CLEC4A: variants seen among roughly 807,000 people sequenced by gnomAD.
CLEC4A encodes C-type lectin domain family 4 member A, also known as C-type (calcium dependent, carbohydrate-recognition domain) lectin, superfamily member 6.
Under a neutral mutation model 32.7 loss-of-function variants are expected in CLEC4A, and 27 were observed. The ratio of observed to expected loss-of-function variants is 0.83; its 90% confidence interval spans 0.61 to 1.14. The LOEUF is 1.14. Among genes scored for constraint, CLEC4A ranks in the 50% most tolerant of loss-of-function variants. The pLI, the probability that CLEC4A is intolerant of heterozygous loss-of-function variation, is 0.00. For synonymous variants in CLEC4A, 89 were observed against 93.7 expected (o/e 0.95, Z 0.29); for missense variants, 253 against 274.6 (o/e 0.92, Z 0.55).
At chr12:8,118,673 C>G (rs980726273), upstream of CLEC4A, among the ~76,000 whole-genome samples, 9 of 152,132 alleles carry the variant, frequency 5.9e-5, no homozygotes, top group Non-Finnish European at 1.2e-4. Context: ...AAATCTACCC[C>G]CATGATCCAG....
chr12:8,115,364 A>G, the CLEC4A span, among the ~76,000 whole-genome samples: 1 of 152,188 alleles, frequency 6.6e-6, no homozygotes, highest in Non-Finnish European at 1.5e-5. Flanking sequence ...TCTCAAAATT[A>G]TGGATTTAGT....
chr12:8,124,832 T>G (rs1947874729), intron 1 of CLEC4A, among the ~76,000 whole-genome samples: 1 of 152,352 alleles, frequency 6.6e-6, no homozygotes, highest in South Asian at 2.1e-4. Context: ...TTATAATTAC[T>G]CTTATCATCT....
chr12:8,103,425 C>A, the CLEC4A span, among the ~76,000 whole-genome samples: 2 of 125,288 alleles, frequency 1.6e-5, no homozygotes, highest in Non-Finnish European at 3.1e-5. Flanking sequence ...CTCACTCTGT[C>A]GCCCAGGCTG....
chr12:8,125,439 T>C, intron 1 of CLEC4A, 122 bp from the exon 2 acceptor site: 1 of 625,634 alleles, frequency 1.6e-6, no homozygotes, highest in Non-Finnish European at 2.9e-6. Context: ...TCATGTGATT[T>C]CAAATGTCAT....
upstream of CLEC4A, among the ~76,000 whole-genome samples, chr12:8,119,375 C>G (rs1947813304): frequency 6.6e-6 from 1 of 152,118 alleles, no homozygotes; most frequent in Admixed American, 6.5e-5. Flanking sequence ...TAGGCATGCA[C>G]CACCACGCCT....
At chr12:8,115,472 G>T in the CLEC4A span, among the ~76,000 whole-genome samples, 24 of 152,252 alleles carry the variant, frequency 1.6e-4, 1 homozygote, top group East Asian at 2.9e-3. Context: ...TGATAGACCA[G>T]GACTTCAATG....
At chr12:8,135,188 AT>A (rs1183141119) in intron 3 of CLEC4A, among the ~76,000 whole-genome samples, 1 of 147,114 alleles carries the variant, frequency 6.8e-6, no homozygotes, top group Non-Finnish European at 1.5e-5. Context: ...GCCCGGCCCC[AT>A]TTTTGTTGTC....
At chr12:8,128,022 C>CATAG (rs948879329) in intron 2 of CLEC4A, among the ~76,000 whole-genome samples, 1 of 152,108 alleles carries the variant, frequency 6.6e-6, no homozygotes, top group African/African-American at 2.4e-5. Context: ...AAGTCCTTCA[C>CATAG]ATAGAGGTAG....
upstream of CLEC4A, among the ~76,000 whole-genome samples, chr12:8,123,331 G>T (rs953645733): frequency 2.0e-5 from 3 of 152,188 alleles, no homozygotes; most frequent in Non-Finnish European, 4.4e-5. Flanking sequence ...AAACTAATTC[G>T]TGAAGGTGGG....
chr12:8,125,424 T>C (rs1390086758), intron 1 of CLEC4A, 137 bp from the exon 2 acceptor site: 4 of 594,020 alleles, frequency 6.7e-6, no homozygotes, highest in East Asian at 5.6e-5. Flanking sequence ...TTTCTATTCC[T>C]ATTCTCATGT....
the CLEC4A span, among the ~76,000 whole-genome samples, chr12:8,104,512 A>G: frequency 2.0e-5 from 3 of 152,180 alleles, no homozygotes; most frequent in South Asian, 2.1e-4. Context: ...TTCAAGAAAC[A>G]ATCAAACCAT....
chr12:8,130,439 C>T (rs1435139556), intron 3 of CLEC4A, among the ~76,000 whole-genome samples: 1 of 152,000 alleles, frequency 6.6e-6, no homozygotes, highest in Non-Finnish European at 1.5e-5. Flanking sequence ...GTAGTGTGAC[C>T]ACAGCTCACA....
chr12:8,127,883 G>A (rs1393907367), intron 2 of CLEC4A, among the ~76,000 whole-genome samples: 1 of 152,140 alleles, frequency 6.6e-6, no homozygotes, highest in Non-Finnish European at 1.5e-5. Context: ...TCAGTAGCAG[G>A]TTTGGGTTGG....
the CLEC4A span, among the ~76,000 whole-genome samples, chr12:8,115,071 A>C: frequency 3.9e-5 from 6 of 152,194 alleles, no homozygotes; most frequent in African/African-American, 7.2e-5. Context: ...AAGCACCGCT[A>C]GTTTATTAGG....
chr12:8,138,354 C>T lies in CLEC4A; in HGVS notation c.*67C>T, dbSNP rs1203430823. 15 of 1,562,730 alleles carry T rather than the reference C, an allele frequency of 9.6e-6. No homozygotes were observed. Among genetic ancestry groups the T allele is most frequent in the Non-Finnish European group, 1.1e-5 (13 of 1,143,062 alleles). On this transcript the variant is annotated 3_prime_UTR_variant, in exon 6 of 6. Transcript: ENST00000229332. ...TCATTGTAGGGATAGATAATAAGCT[C>T]TTCTTATTCATGTGTAAGGGAGGTC...
the CLEC4A span, among the ~76,000 whole-genome samples, chr12:8,110,557 T>A: frequency 6.6e-6 from 1 of 152,296 alleles, no homozygotes; most frequent in South Asian, 2.1e-4. Context: ...GAACCTTTCC[T>A]CATAAGCTCA....
At chr12:8,119,070 T>C (rs1947810882), upstream of CLEC4A, among the ~76,000 whole-genome samples, 1 of 152,244 alleles carries the variant, frequency 6.6e-6, no homozygotes, top group Non-Finnish European at 1.5e-5. Context: ...TCAGGTATTT[T>C]GTTGTTAACA....
At chr12:8,109,619 G>A in the CLEC4A span, among the ~76,000 whole-genome samples, 20 of 152,280 alleles carry the variant, frequency 1.3e-4, no homozygotes, top group African/African-American at 4.8e-4. Flanking sequence ...AGGAGCCTAC[G>A]GTGGGAGAAT....
chr12:8,123,627 C>T lies in CLEC4A; in HGVS notation c.-252C>T. 3.0e-6 allele frequency: 1 copy of T among 335,724 alleles called. No individual in the cohort carries two copies. The highest frequency in any genetic ancestry group is 4.9e-5 in the East Asian group (1 of 20,608). The allele number at this position is 335,724 out of a possible 1,614,324, so 20.8% of individuals were successfully genotyped here. The stretch of plus-strand genomic sequence containing the variant: ...TTATTGCATTTGCTTGCATTTGTTT[C>T]AAGGCTGTGATTCTCACTATACTGG... On this transcript the variant is annotated 5_prime_UTR_variant, in exon 1 of 6. Transcript: ENST00000229332.
Sources: allele counts gnomAD v4.1 joint callset (sites outside exome capture counted in the v4.1 genomes callset), GRCh38; gene constraint gnomAD v4.1.1; transcripts MANE v1.5; gene names NCBI Gene and HGNC (gene_info 2026-07-23, HGNC 2026-07-21).